Variants in ZSCAN5A observed in about 807,000 individuals in gnomAD.
The protein encoded by ZSCAN5A is zinc finger and SCAN domain-containing protein 5A.
In ZSCAN5A, 12 loss-of-function variants were observed where a neutral mutation model predicts 23.7. That is an observed-to-expected ratio of 0.51 (90% confidence interval 0.32 to 0.82). ZSCAN5A has a LOEUF of 0.82. Ranked by LOEUF, ZSCAN5A falls within the 40% of genes least tolerant of loss-of-function variation. ZSCAN5A has a pLI of 0.03. For synonymous variants in ZSCAN5A, 257 were observed against 239.9 expected (o/e 1.07, Z -0.66); for missense variants, 597 against 617.9 (o/e 0.97, Z 0.36).
At chr19:56,322,399 A>G in intron 2 of ZSCAN5A, 1 of 673,414 alleles carries the variant, frequency 1.5e-6, no homozygotes, top group Non-Finnish European at 2.7e-6. Context: ...CCCTAGGCCT[A>G]CAAATTTGTC....
intron 2 of ZSCAN5A, chr19:56,284,940 A>T: frequency 1.1e-6 from 1 of 892,192 alleles, no homozygotes. Flanking sequence ...AAATCCATTA[A>T]TTAGGCATAT....
In ZSCAN5A at chr19:56,251,148, T is replaced by TCAAAA. The variant is rs1555797367; in HGVS notation, c.-127-25976_-127-25975insTTTTG. Among the ~76,000 whole-genome samples the TCAAAA allele has an allele frequency of 6.8e-4, 89 of 131,052 alleles. 1 individual carries two copies. Among genetic ancestry groups the TCAAAA allele is most frequent in the African/African-American group, 2.4e-3 (83 of 34,816 alleles). The allele number at this position is 131,052 out of a possible 152,430, so 86.0% of individuals were successfully genotyped here. On this transcript the variant is annotated intron_variant, in intron 2 of 5. Coordinates refer to ENST00000683990, the MANE Select transcript of ZSCAN5A (RefSeq NM_001322064.3). The stretch of plus-strand genomic sequence containing the variant: ...CTGGGCAACAGAGCTAGACTCCGTG[T>TCAAAA]AAAAAAAAAAAAAAAAAAGACCACT...
chr19:56,292,325 C>T (rs2039564983), intron 2 of ZSCAN5A, among the ~76,000 whole-genome samples: 1 of 152,166 alleles, frequency 6.6e-6, no homozygotes, highest in Non-Finnish European at 1.5e-5. Context: ...GCTCTGTTGT[C>T]CAGGCTGGAG....
chr19:56,323,961 G>C (rs1600282375), intron 2 of ZSCAN5A, among the ~76,000 whole-genome samples: 1 of 152,172 alleles, frequency 6.6e-6, no homozygotes, highest in South Asian at 2.1e-4. Context: ...CCCCAAACCT[G>C]CACCCTTTCT....
At chr19:56,254,580 T>C (rs2036573662) in intron 2 of ZSCAN5A, among the ~76,000 whole-genome samples, 1 of 152,158 alleles carries the variant, frequency 6.6e-6, no homozygotes, top group South Asian at 2.1e-4. Context: ...TATGAGTTCC[T>C]GCTTCCAATT....
At chr19:56,299,144 T>C (rs1156470503) in intron 2 of ZSCAN5A, among the ~76,000 whole-genome samples, 8 of 152,220 alleles carry the variant, frequency 5.3e-5, no homozygotes, top group Admixed American at 5.2e-4. Context: ...ACATTATTTT[T>C]TTTTTGAGAC....
intron 2 of ZSCAN5A, chr19:56,286,522 G>A (rs1440400843): frequency 6.6e-6 from 1 of 152,064 alleles, no homozygotes; most frequent in African/African-American, 2.4e-5. Flanking sequence ...TTGAGTAAGT[G>A]GTCAGCCTCA....
intron 2 of ZSCAN5A, among the ~76,000 whole-genome samples, chr19:56,232,745 CAT>C (rs2034575372): frequency 6.6e-6 from 1 of 152,118 alleles, no homozygotes; most frequent in African/African-American, 2.4e-5. Flanking sequence ...GTTGCACAAT[CAT>C]AGCTCACTGC....
chr19:56,330,485 C>T (rs899443285), intron 2 of ZSCAN5A, among the ~76,000 whole-genome samples: 1 of 152,126 alleles, frequency 6.6e-6, no homozygotes, highest in Non-Finnish European at 1.5e-5. Flanking sequence ...AGTAGCCTTG[C>T]CAGCATCTCT....
chr19:56,284,308 C>T (rs1212669072), intron 2 of ZSCAN5A: 1 of 317,464 alleles, frequency 3.1e-6, no homozygotes, highest in African/African-American at 2.3e-5. Context: ...TGTGTGTATT[C>T]ATTGGTGGGT....
chr19:56,230,985 A>G (rs1035697981), intron 2 of ZSCAN5A, among the ~76,000 whole-genome samples: 1 of 152,142 alleles, frequency 6.6e-6, no homozygotes, highest in Non-Finnish European at 1.5e-5. Flanking sequence ...TTCCTCAGTA[A>G]CGTACACAGC....
intron 2 of ZSCAN5A, among the ~76,000 whole-genome samples, chr19:56,310,668 A>G (rs1463226660): frequency 6.6e-6 from 1 of 152,180 alleles, no homozygotes; most frequent in Non-Finnish European, 1.5e-5. Context: ...TCTTTTGTGT[A>G]AAGATTTGGG....
In ZSCAN5A at chr19:56,326,099, AT is replaced by A. The variant is rs532740500; in HGVS notation, c.-357-9832del. On this transcript the variant is annotated intron_variant, in intron 2 of 6. Transcript: ENST00000587340. ...AGGCCCCCGCCACCACGCCCAGCTAATTTTTTTTTTTGTATTTTTAGTAGAG... is the reference window on the plus strand; with the variant it reads ...AGGCCCCCGCCACCACGCCCAGCTAATTTTTTTTTTGTATTTTTAGTAGAG... 6.2e-4 allele frequency among the ~76,000 whole-genome samples: 90 copies of A among 145,962 alleles called. 1 individual carries two copies. The highest frequency in any genetic ancestry group is 1.5e-3 in the South Asian group (7 of 4,606).
At chr19:56,231,060 A>G (rs776859803) in intron 2 of ZSCAN5A, among the ~76,000 whole-genome samples, 2 of 152,166 alleles carry the variant, frequency 1.3e-5, no homozygotes, top group Non-Finnish European at 2.9e-5. Context: ...AAAAAACACG[A>G]AAGTTCACTG....
Position 56,222,148 on chromosome 19 carries a change from G to A in ZSCAN5A, c.918C>T (p.Ser306=). The A allele has an allele frequency of 6.2e-7, 1 of 1,614,094 alleles. No individual in the cohort carries two copies. The change falls in exon 6 of 6, where the codon TCC becomes TCT. Residue 306 remains serine, a synonymous_variant. Transcript: ENST00000683990. ...CTCCTTGAGGCTCTTCTTGGGAAAT[G>A]GAGGAGGCATCTGGTTTGCTTCTTT... ...SPKRSKPDAS[S]ISQEEPQGEA... is the part of the protein sequence containing the mutation.
intron 2 of ZSCAN5A, chr19:56,247,284 G>A: frequency 3.1e-6 from 1 of 325,678 alleles, no homozygotes; most frequent in Non-Finnish European, 5.9e-6. Flanking sequence ...AGTGTCACAA[G>A]AGGAGCCACA....
intron 2 of ZSCAN5A, among the ~76,000 whole-genome samples, chr19:56,255,818 T>A (rs959123756): frequency 6.6e-6 from 1 of 152,100 alleles, no homozygotes; most frequent in Non-Finnish European, 1.5e-5. Flanking sequence ...TAAACTGGCA[T>A]CAAAAAGTTA....
At chr19:56,287,536 A>G (rs925490500) in intron 2 of ZSCAN5A, among the ~76,000 whole-genome samples, 4 of 152,138 alleles carry the variant, frequency 2.6e-5, no homozygotes, top group African/African-American at 9.7e-5. Flanking sequence ...TCTGTGCACC[A>G]GGAGCTTCCT....
intron 2 of ZSCAN5A, among the ~76,000 whole-genome samples, chr19:56,241,768 C>T (rs995946468): frequency 3.0e-4 from 45 of 152,352 alleles, no homozygotes; most frequent in African/African-American, 1.1e-3. Context: ...ATTCTACTCA[C>T]TGCTACTATG....
Sources: allele counts gnomAD v4.1 joint callset (sites outside exome capture counted in the v4.1 genomes callset), GRCh38; gene constraint gnomAD v4.1.1; transcripts MANE v1.5; gene names NCBI Gene and HGNC (gene_info 2026-07-23, HGNC 2026-07-21).